Variants in PCDHGA3 observed in about 807,000 individuals in gnomAD.
PCDHGA3 encodes protocadherin gamma subfamily A, 3.
A neutral mutation model predicts 58.5 loss-of-function variants in PCDHGA3; 40 were observed. The ratio of observed to expected loss-of-function variants is 0.68; its 90% CI spans 0.53 to 0.89. The LOEUF (loss-of-function observed/expected upper bound fraction) is 0.89, where lower values mean the gene tolerates loss of function less well. PCDHGA3 is among the 40% of genes least tolerant of loss of function. The pLI is 0.00. For missense variants in PCDHGA3, 1,223 were observed against 1,195.9 expected (o/e 1.02, Z -0.33); for synonymous variants, 530 against 525.7 (o/e 1.01, Z -0.11).
At chr5:141,394,256 C>G in intron 1 of PCDHGA3, 1 of 1,613,942 alleles carries the variant, frequency 6.2e-7, no homozygotes, top group Non-Finnish European at 8.5e-7. Flanking sequence ...ACCCCGACAG[C>G]CAGGAGAATG....
In PCDHGA3 at chr5:141,487,086, TCCCACCACAGAAG is replaced by T. The variant is rs2099639456; in HGVS notation, c.2425-7719_2425-7707del. 6.2e-7 allele frequency: 1 copy of T among 1,613,822 alleles called. No homozygotes were observed. ...ACGGCTGTTCCTATCCCAGCTGACC[TCCCACCACAGAAG>T]CTGGTCATTGTGGTAAAGGATAGTG... On this transcript the variant is annotated intron_variant, in intron 1 of 3. Coordinates refer to ENST00000253812, the MANE Select transcript of PCDHGA3 (RefSeq NM_018916.4). The surrounding 1 kb of genome is among the most constrained non-coding windows in gnomAD (Gnocchi z 5.0).
intron 1 of PCDHGA3, chr5:141,427,985 C>T (rs747784722): frequency 3.1e-6 from 5 of 1,597,522 alleles, no homozygotes; most frequent in African/African-American, 2.7e-5. Context: ...CGCTGGGGCC[C>T]GATGGCTCCG....
At chr5:141,488,217 A>G (rs537136341) in intron 1 of PCDHGA3, among the ~76,000 whole-genome samples, 2 of 152,274 alleles carry the variant, frequency 1.3e-5, no homozygotes, top group East Asian at 1.9e-4. Flanking sequence ...TCAAGTCCCT[A>G]CTGGGGATTT....
At chr5:141,355,002 A>C in intron 1 of PCDHGA3, 1 of 756,684 alleles carries the variant, frequency 1.3e-6, no homozygotes, top group Non-Finnish European at 1.9e-6. Flanking sequence ...GGGGGAAAAG[A>C]CAAACCAGAA....
intron 1 of PCDHGA3, chr5:141,364,195 A>G: frequency 9.3e-7 from 1 of 1,073,724 alleles, no homozygotes; most frequent in East Asian, 2.8e-5. Context: ...CTAAACACAC[A>G]GACCAGACAA....
chr5:141,419,715 T>A, intron 1 of PCDHGA3: 5 of 1,613,288 alleles, frequency 3.1e-6, no homozygotes, highest in Non-Finnish European at 4.2e-6. Context: ...CTCTTCAGCC[T>A]GGGGCTGCGA....
intron 1 of PCDHGA3, chr5:141,405,016 C>T: frequency 6.2e-7 from 1 of 1,614,006 alleles, no homozygotes; most frequent in Non-Finnish European, 8.5e-7. Flanking sequence ...AGGCCTCAGA[C>T]CTTACCCTCT....
intron 1 of PCDHGA3, chr5:141,388,885 A>G (rs1359019533): frequency 1.9e-6 from 3 of 1,614,002 alleles, no homozygotes; most frequent in East Asian, 2.2e-5. Context: ...GTGGAGGTAG[A>G]AGTCATAGAT....
chr5:141,399,162 C>T (rs1174255078), intron 1 of PCDHGA3: 1 of 1,613,664 alleles, frequency 6.2e-7, no homozygotes, highest in South Asian at 1.1e-5. Context: ...AAGTTACATT[C>T]CATTCTCTAC....
In PCDHGA3 at chr5:141,477,244, G is replaced by T. The variant is rs367944211; in HGVS notation, c.2425-17563G>T. On this transcript the variant is annotated intron_variant, in intron 1 of 3. Coordinates refer to ENST00000253812, the MANE Select transcript of PCDHGA3 (RefSeq NM_018916.4). The surrounding 1 kb of genome is among the most constrained non-coding windows in gnomAD (Gnocchi z 4.9). ...GGACTGTCATCGCTTTGCTCAGTGT[G>T]ACTGACCTGGATGCTGGCGAGAACG... 9 of 1,614,190 alleles carry T rather than the reference G, an allele frequency of 5.6e-6. No homozygotes were observed. Among genetic ancestry groups the T allele is most frequent in the Non-Finnish European group, 7.6e-6 (9 of 1,180,052 alleles).
At chr5:141,473,942 G>A (rs1419813166) in intron 1 of PCDHGA3, among the ~76,000 whole-genome samples, 3 of 152,124 alleles carry the variant, frequency 2.0e-5, no homozygotes, top group Non-Finnish European at 2.9e-5. Flanking sequence ...AGTAGCTCAG[G>A]CCTGTAGTCC....
At chr5:141,376,524 C>T (rs1772781654) in intron 1 of PCDHGA3, 1 of 1,613,718 alleles carries the variant, frequency 6.2e-7, no homozygotes, top group Admixed American at 1.7e-5. Flanking sequence ...TTCTTTCCGC[C>T]TAAGCGGGAA....
At chr5:141,370,349 G>C (rs371382232) in intron 1 of PCDHGA3, 27 of 1,496,692 alleles carry the variant, frequency 1.8e-5, no homozygotes, top group Non-Finnish European at 2.3e-5. Context: ...ATTATTTAAA[G>C]ATCTCCTCTC....
Position 141,344,181 on chromosome 5 carries a change from A to G in PCDHGA3, c.148A>G (p.Asn50Asp). The G allele has an allele frequency of 4.3e-6, 7 of 1,614,022 alleles. No individual in the cohort carries two copies. Among genetic ancestry groups the G allele is most frequent in the Non-Finnish European group, 5.9e-6 (7 of 1,179,888 alleles). Residue 50 changes from asparagine (N) to aspartate (D), a missense_variant, in exon 1 of 4, where the codon AAC (asparagine) becomes GAC (aspartate). Transcript: ENST00000253812. ...DKGSFVGNIA[N>D]DLGLEPRELA... ...AGGTTCCTTCGTGGGCAACATCGCTAACGACCTGGGGCTAGAGCCCCGGGA... is the reference window on the plus strand; with the variant it reads ...AGGTTCCTTCGTGGGCAACATCGCTGACGACCTGGGGCTAGAGCCCCGGGA...
chr5:141,351,239 T>C (rs1370270183), intron 1 of PCDHGA3: 4 of 1,613,940 alleles, frequency 2.5e-6, no homozygotes, highest in Non-Finnish European at 3.4e-6. Flanking sequence ...CACAGCTCAC[T>C]GTAATGTTCA....
intron 1 of PCDHGA3, chr5:141,415,743 T>G (rs1317934891): frequency 9.6e-6 from 3 of 311,420 alleles, no homozygotes; most frequent in Non-Finnish European, 1.2e-5. Context: ...TATTAAGGTT[T>G]TTTTTTTTTT....
At chr5:141,412,948 G>A in intron 1 of PCDHGA3, 1 of 468,334 alleles carries the variant, frequency 2.1e-6, no homozygotes, top group Non-Finnish European at 3.7e-6. Context: ...TCTGAGCGCC[G>A]CTGTTCACCT....
chr5:141,357,709 A>G (rs1760706565), intron 1 of PCDHGA3: 1 of 1,470,964 alleles, frequency 6.8e-7, no homozygotes, highest in South Asian at 1.4e-5. Flanking sequence ...TAATATATCA[A>G]ATAAAGTTGC....
intron 1 of PCDHGA3, chr5:141,414,152 A>G (rs1251267001): frequency 1.9e-6 from 3 of 1,600,994 alleles, no homozygotes; most frequent in Non-Finnish European, 2.6e-6. Context: ...ATACAAGCAG[A>G]AGATGGAGGA....
Sources: allele counts gnomAD v4.1 joint callset (sites outside exome capture counted in the v4.1 genomes callset), GRCh38; gene constraint gnomAD v4.1.1; non-coding constraint Gnocchi (gnomAD v3.1); transcripts MANE v1.5; gene names NCBI Gene and HGNC (gene_info 2026-07-23, HGNC 2026-07-21).